The following MOB4 variants were observed in gnomAD, a reference collection of about 807,000 sequenced individuals.
MOB4 encodes MOB family member 4, phocein, also known as MOB-like protein phocein.
In MOB4, 4 loss-of-function variants were observed where a neutral mutation model predicts 32.2. That is an observed-to-expected ratio of 0.12 (90% CI 0.06 to 0.28). The LOEUF (loss-of-function observed/expected upper bound fraction) is 0.28, where lower values mean the gene tolerates loss of function less well. Ranked by LOEUF, MOB4 falls within the 10% of genes least tolerant of loss-of-function variation. The probability of loss-of-function intolerance (pLI) is 1.00; values close to 1 mark genes in which losing one functional copy is unlikely to be tolerated. For synonymous variants in MOB4, 88 were observed against 88.1 expected, an observed-to-expected ratio of 1.00 and a Z score of 0.01; for missense variants, 158 against 271.2, an observed-to-expected ratio of 0.58 and a Z score of 2.93.
chr2:197,530,773 A>G (rs1436127503), intron 2 of MOB4, among the ~76,000 whole-genome samples: 1 of 151,746 alleles, frequency 6.6e-6, no homozygotes, highest in Non-Finnish European at 1.5e-5. Context: ...ACTAATTTTT[A>G]TGTTTTGTAG....
intron 3 of MOB4, among the ~76,000 whole-genome samples, 198 bp downstream of exon 3, chr2:197,535,828 T>G (rs188729437): frequency 6.6e-6 from 1 of 152,200 alleles, no homozygotes; most frequent in African/African-American, 2.4e-5. Context: ...GCAGAGTCAC[T>G]CATTTTGAAA....
chr2:197,544,092 G>A (rs2086948262), intron 5 of MOB4, among the ~76,000 whole-genome samples: 1 of 150,648 alleles, frequency 6.6e-6, no homozygotes, highest in African/African-American at 2.4e-5. Flanking sequence ...CTGTCGCCCA[G>A]GCTGGAGTTT....
At chr2:197,549,248 C>G (rs1422027005) in intron 6 of MOB4, among the ~76,000 whole-genome samples, 1 of 151,956 alleles carries the variant, frequency 6.6e-6, no homozygotes, top group East Asian at 1.9e-4. Context: ...AGCAGACTTT[C>G]TTATTTGTTT....
At chr2:197,541,685 C>A (rs1026570673) in intron 5 of MOB4, among the ~76,000 whole-genome samples, 1 of 152,004 alleles carries the variant, frequency 6.6e-6, no homozygotes, top group Non-Finnish European at 1.5e-5. Context: ...TTTGGGAGGC[C>A]GAGGCGGGCG....
chr2:197,520,284 G>T (rs1021104320), intron 1 of MOB4, among the ~76,000 whole-genome samples: 1 of 150,746 alleles, frequency 6.6e-6, no homozygotes, highest in South Asian at 2.1e-4. Context: ...CTGGGTTTGC[G>T]CCCACCACCA....
intron 5 of MOB4, among the ~76,000 whole-genome samples, chr2:197,546,585 TA>T (rs1437392958): frequency 6.6e-6 from 1 of 151,994 alleles, no homozygotes; most frequent in East Asian, 1.9e-4. Context: ...TTTGTAGAGA[TA>T]GGGGCATTTC....
At chr2:197,519,258 A>T (rs910057333) in intron 1 of MOB4, among the ~76,000 whole-genome samples, 17 of 152,254 alleles carry the variant, frequency 1.1e-4, no homozygotes, top group Admixed American at 7.2e-4. Context: ...ATTAAGCTGA[A>T]TTTTTGGTGT....
intron 6 of MOB4, among the ~76,000 whole-genome samples, chr2:197,549,638 C>T (rs1468037039): frequency 6.6e-6 from 1 of 152,006 alleles, no homozygotes; most frequent in Non-Finnish European, 1.5e-5. Flanking sequence ...CAACCTCTGC[C>T]TCCTGGGTTC....
At chr2:197,542,375 C>T (rs2086910992) in intron 5 of MOB4, among the ~76,000 whole-genome samples, 1 of 152,124 alleles carries the variant, frequency 6.6e-6, no homozygotes, top group South Asian at 2.1e-4. Context: ...TGTAAAAATA[C>T]AAACAAAAGA....
chr2:197,531,493 T>C (rs1237506396), intron 2 of MOB4, among the ~76,000 whole-genome samples: 2 of 152,316 alleles, frequency 1.3e-5, no homozygotes, highest in East Asian at 3.9e-4. Context: ...CTTTTTTTTC[T>C]CAGCCTACTC....
At chr2:197,538,412 A>T (rs1012010381) in intron 3 of MOB4, among the ~76,000 whole-genome samples, 1 of 145,122 alleles carries the variant, frequency 6.9e-6, no homozygotes, top group Non-Finnish European at 1.5e-5. Context: ...TTTTGCATAC[A>T]TCCTTTATTG....
At chr2:197,525,868 T>C (rs1559315809) in intron 2 of MOB4, among the ~76,000 whole-genome samples, 1 of 152,144 alleles carries the variant, frequency 6.6e-6, no homozygotes, top group East Asian at 1.9e-4. Context: ...TGAAGAAAAA[T>C]GTACAGATGG....
intron 2 of MOB4, among the ~76,000 whole-genome samples, chr2:197,533,098 C>T (rs1011091432): frequency 1.8e-4 from 27 of 150,734 alleles, no homozygotes; most frequent in Non-Finnish European, 4.4e-5. Context: ...GACTCTATCT[C>T]AAAAACAAAA....
intron 2 of MOB4, among the ~76,000 whole-genome samples, chr2:197,526,448 C>T (rs1358283813): frequency 6.6e-6 from 1 of 152,156 alleles, no homozygotes; most frequent in Non-Finnish European, 1.5e-5. Context: ...TCCTGAATAG[C>T]TGGGATTACA....
intron 3 of MOB4, among the ~76,000 whole-genome samples, chr2:197,538,882 T>A (rs1206512109): frequency 6.6e-6 from 1 of 152,218 alleles, no homozygotes; most frequent in Non-Finnish European, 1.5e-5. Context: ...AATAATGTTA[T>A]TTTTGTAATC....
At chr2:197,534,684 A>G (rs2086767474) in intron 2 of MOB4, among the ~76,000 whole-genome samples, 1 of 152,152 alleles carries the variant, frequency 6.6e-6, no homozygotes, top group Non-Finnish European at 1.5e-5. Flanking sequence ...CTGGGACTAC[A>G]GGTGTGTGCC....
intron 2 of MOB4, among the ~76,000 whole-genome samples, chr2:197,530,229 A>G (rs1419842446): frequency 1.3e-5 from 2 of 151,350 alleles, no homozygotes; most frequent in African/African-American, 2.4e-5. Flanking sequence ...CGGCCTCCCA[A>G]AGTGCTAGGA....
chr2:197,548,257 A>G, intron 5 of MOB4, 79 bp from the exon 6 acceptor site: 6 of 1,205,878 alleles, frequency 5.0e-6, no homozygotes, highest in Non-Finnish European at 6.8e-6. Context: ...CTTTGGAATA[A>G]GGTATACCCA....
intron 1 of MOB4, among the ~76,000 whole-genome samples, chr2:197,518,573 T>TTG (rs1553584573): frequency 3.0e-4 from 45 of 151,108 alleles, no homozygotes; most frequent in African/African-American, 1.1e-3. Flanking sequence ...TTTTTTTTTT[T>TTG]TGTGTGTGAG....
Sources: allele counts gnomAD v4.1 joint callset (sites outside exome capture counted in the v4.1 genomes callset), GRCh38; gene constraint gnomAD v4.1.1; transcripts MANE v1.5; gene names NCBI Gene and HGNC (gene_info 2026-07-23, HGNC 2026-07-21).